The following CNOT2 variants were observed in gnomAD, a reference collection of about 807,000 sequenced individuals.
The protein encoded by CNOT2 is CCR4-NOT transcription complex subunit 2, also known as CC chemokine receptor 4-negative regulator of transcription 2.
CNOT2 carries 7 observed loss-of-function variants against 72.1 expected under a neutral mutation model. The ratio of observed to expected loss-of-function variants is 0.10; its 90% CI spans 0.06 to 0.18. The LOEUF (loss-of-function observed/expected upper bound fraction) is 0.18. Ranked by LOEUF, CNOT2 falls within the 10% of genes least tolerant of loss-of-function variation. The pLI is 1.00. For missense variants in CNOT2, 345 were observed against 660.3 expected, an observed-to-expected ratio of 0.52 and a Z score of 5.23; for synonymous variants, 196 against 225.6, an observed-to-expected ratio of 0.87 and a Z score of 1.17.
chr12:70,346,041 A>C (rs1025090794), intron 14 of CNOT2, 139 bp from the exon 15 acceptor site: 15 of 579,440 alleles, frequency 2.6e-5, no homozygotes, highest in Non-Finnish European at 4.5e-5. Context: ...ATAACTTATA[A>C]TAAATGAGTA....
chr12:70,296,454 A>G (rs562828930), intron 2 of CNOT2, among the ~76,000 whole-genome samples: 1 of 152,226 alleles, frequency 6.6e-6, no homozygotes, highest in African/African-American at 2.4e-5. Context: ...GGCTAAAACA[A>G]TGAGTTGCTC....
intron 3 of CNOT2, among the ~76,000 whole-genome samples, chr12:70,316,806 C>T (rs528563388): frequency 3.3e-5 from 5 of 152,230 alleles, no homozygotes; most frequent in African/African-American, 7.2e-5. Flanking sequence ...CCCCTCCCTA[C>T]TTACTCCCTC....
At chr12:70,249,336 A>G (rs1565722680) in intron 1 of CNOT2, among the ~76,000 whole-genome samples, 1 of 151,848 alleles carries the variant, frequency 6.6e-6, no homozygotes, top group Non-Finnish European at 1.5e-5. Context: ...TAATATTTTT[A>G]AAATGTTTTA....
At chr12:70,283,728 T>C (rs1870331476) in intron 2 of CNOT2, among the ~76,000 whole-genome samples, 1 of 151,602 alleles carries the variant, frequency 6.6e-6, no homozygotes, top group East Asian at 1.9e-4. Context: ...TTGAAAGCCT[T>C]GCAACCAGAT....
chr12:70,295,114 G>A (rs755993816), intron 2 of CNOT2, among the ~76,000 whole-genome samples: 3 of 152,196 alleles, frequency 2.0e-5, no homozygotes, highest in Non-Finnish European at 2.9e-5. Flanking sequence ...CTTTCAAAAC[G>A]TGTTTCTTTC....
intron 1 of CNOT2, among the ~76,000 whole-genome samples, chr12:70,261,685 G>A (rs934014196): frequency 6.6e-6 from 1 of 152,010 alleles, no homozygotes; most frequent in Non-Finnish European, 1.5e-5. Flanking sequence ...CTTTGATGTT[G>A]TTAACTGGAT....
chr12:70,299,794 G>A (rs1046818054), intron 2 of CNOT2, among the ~76,000 whole-genome samples: 24 of 152,110 alleles, frequency 1.6e-4, no homozygotes, highest in Non-Finnish European at 2.9e-4. Context: ...CTGAGGAATC[G>A]CCACACTGAC....
intron 1 of CNOT2, among the ~76,000 whole-genome samples, chr12:70,277,181 GC>G (rs892863996): frequency 1.3e-5 from 2 of 152,016 alleles, no homozygotes; most frequent in African/African-American, 4.8e-5. Context: ...CAGTAGGTAT[GC>G]ATACTACTTC....
intron 6 of CNOT2, 43 bp downstream of exon 6, chr12:70,330,512 A>T (rs1388079323): frequency 7.0e-7 from 1 of 1,432,532 alleles, no homozygotes; most frequent in East Asian, 2.4e-5. Context: ...CTTTCTGGGT[A>T]TACTCAGATT....
intron 1 of CNOT2, among the ~76,000 whole-genome samples, chr12:70,253,916 G>C (rs921406260): frequency 6.6e-6 from 1 of 152,046 alleles, no homozygotes; most frequent in African/African-American, 2.4e-5. Context: ...TTGCACATTA[G>C]GTACAATAAG....
At chr12:70,300,377 A>G (rs926349273) in intron 2 of CNOT2, among the ~76,000 whole-genome samples, 1 of 152,190 alleles carries the variant, frequency 6.6e-6, no homozygotes, top group African/African-American at 2.4e-5. Context: ...TCTTTAATCT[A>G]TCTTGAATTA....
chr12:70,302,063 A>G (rs1390184561), intron 2 of CNOT2, among the ~76,000 whole-genome samples: 1 of 152,056 alleles, frequency 6.6e-6, no homozygotes, highest in African/African-American at 2.4e-5. Flanking sequence ...ATCAGTGGTG[A>G]TATCCCCTTT....
chr12:70,337,298 G>T (rs74101497), intron 8 of CNOT2, 91 bp from the exon 9 acceptor site: 9 of 1,037,624 alleles, frequency 8.7e-6, no homozygotes, highest in South Asian at 1.6e-5. Context: ...AAACCTTTTG[G>T]TGTATTATCA....
intron 11 of CNOT2, among the ~76,000 whole-genome samples, chr12:70,340,949 G>A (rs893095423): frequency 2.6e-4 from 36 of 140,296 alleles, no homozygotes; most frequent in African/African-American, 9.2e-4. Context: ...AGGCTGGAGT[G>A]CAGTGATGCA....
intron 2 of CNOT2, among the ~76,000 whole-genome samples, chr12:70,287,374 T>C (rs1871090724): frequency 6.7e-6 from 1 of 149,716 alleles, no homozygotes; most frequent in African/African-American, 2.4e-5. Context: ...TTCATCAGTG[T>C]TCTTTAATGT....
In CNOT2 at chr12:70,244,933, GAATA is replaced by G. The variant is rs1404399695; in HGVS notation, c.-96+1456_-96+1459del. On this transcript the variant is annotated intron_variant, in intron 1 of 15. Transcript: ENST00000229195. Reference sequence around the variant, plus strand: ...CCTTTTGAAGCAATATAAATGGAAAGAATAAAGTATGGGGTGAGGGATGAGATAG... The same window carrying G: ...CCTTTTGAAGCAATATAAATGGAAAGAAGTATGGGGTGAGGGATGAGATAG... Among the ~76,000 whole-genome samples, 7 of 152,304 alleles carry G rather than the reference GAATA, an allele frequency of 4.6e-5. No homozygotes were observed. In the East Asian group the frequency reaches 1.3e-3, roughly 29 times the overall value.
chr12:70,300,299 C>T (rs891127400), intron 2 of CNOT2, among the ~76,000 whole-genome samples: 19 of 152,274 alleles, frequency 1.2e-4, no homozygotes, highest in South Asian at 4.1e-4. Flanking sequence ...TTGCCCATGC[C>T]TATGTCCTGA....
At chr12:70,272,002 A>G (rs1179834334) in intron 1 of CNOT2, among the ~76,000 whole-genome samples, 3 of 152,188 alleles carry the variant, frequency 2.0e-5, no homozygotes, top group Non-Finnish European at 1.5e-5. Flanking sequence ...ATAAATGTCC[A>G]TTTGTATTTT....
At chr12:70,343,254 A>C (rs1881739228) in intron 13 of CNOT2, among the ~76,000 whole-genome samples, 1 of 152,234 alleles carries the variant, frequency 6.6e-6, no homozygotes, top group Non-Finnish European at 1.5e-5. Context: ...CTGAATAGGG[A>C]TAACATGAAT....
Sources: allele counts gnomAD v4.1 joint callset (sites outside exome capture counted in the v4.1 genomes callset), GRCh38; gene constraint gnomAD v4.1.1; transcripts MANE v1.5; gene names NCBI Gene and HGNC (gene_info 2026-07-23, HGNC 2026-07-21).